LRP1B: variants seen among roughly 807,000 people sequenced by gnomAD.
LRP1B encodes LDL receptor related protein 1B.
In LRP1B, 217 loss-of-function variants were observed where a neutral mutation model predicts 556.6. That is an observed-to-expected ratio of 0.39 (90% CI 0.35 to 0.44). The LOEUF (loss-of-function observed/expected upper bound fraction) is 0.44, where lower values mean the gene tolerates loss of function less well. Among genes scored for constraint, LRP1B ranks in the 20% least tolerant of loss-of-function variants. The pLI, the probability that LRP1B is intolerant of heterozygous loss-of-function variation, is 1.00. For missense variants in LRP1B, 5,053 were observed against 5,620.8 expected, an observed-to-expected ratio of 0.90 and a Z score of 3.23; for synonymous variants, 2,047 against 1,865.8, an observed-to-expected ratio of 1.10 and a Z score of -2.50.
intron 2 of LRP1B, among the ~76,000 whole-genome samples, chr2:141,726,085 C>T (rs1693019542): frequency 6.6e-6 from 1 of 150,918 alleles, no homozygotes; most frequent in Non-Finnish European, 1.5e-5. Context: ...TTAGAAAATA[C>T]AAATTATTTA....
chr2:141,663,001 T>G (rs1690283735), intron 2 of LRP1B, among the ~76,000 whole-genome samples: 1 of 151,584 alleles, frequency 6.6e-6, no homozygotes, highest in African/African-American at 2.4e-5. Flanking sequence ...TAGACCACAG[T>G]GCAATCAAAT....
rs73963072 is a variant in LRP1B at position 141,400,826 on chromosome 2, C to T, written c.343+79570G>A. Among the ~76,000 whole-genome samples the T allele has an allele frequency of 8.0e-3, 1,223 of 152,276 alleles. 13 individuals are homozygous for T. The highest frequency in any genetic ancestry group is 0.028 in the African/African-American group (1,180 of 41,550). On this transcript the variant is annotated intron_variant, in intron 3 of 90. Transcript: ENST00000389484. ...CAAATTATTGCAATGGCTTCCTTTG[C>T]CTCTATGGTATCAAACCAAATTCTA...
chr2:142,109,982 A>G (rs765639862), intron 1 of LRP1B, among the ~76,000 whole-genome samples: 8 of 152,266 alleles, frequency 5.3e-5, no homozygotes, highest in Middle Eastern at 3.4e-3. Context: ...CAAAAGCTGT[A>G]TAGAATGATA....
intron 2 of LRP1B, among the ~76,000 whole-genome samples, chr2:141,790,766 G>T (rs1173035134): frequency 1.3e-5 from 2 of 151,692 alleles, no homozygotes; most frequent in East Asian, 1.9e-4. Context: ...AAATTTTAAG[G>T]CTACTAATGT....
intron 2 of LRP1B, among the ~76,000 whole-genome samples, chr2:141,571,423 C>G (rs1413272277): frequency 7.2e-6 from 1 of 139,524 alleles, no homozygotes; most frequent in Non-Finnish European, 1.7e-5. Flanking sequence ...ATCCAAGGGT[C>G]AGCATGGCCT....
chr2:141,414,795 T>C (rs1362064187), intron 3 of LRP1B, among the ~76,000 whole-genome samples: 3 of 152,244 alleles, frequency 2.0e-5, no homozygotes, highest in African/African-American at 4.8e-5. Context: ...CTTGTCGTTG[T>C]TGTAGTTTAT....
intron 1 of LRP1B, among the ~76,000 whole-genome samples, chr2:141,974,295 A>T (rs949355903): frequency 1.3e-5 from 2 of 151,980 alleles, no homozygotes; most frequent in Non-Finnish European, 2.9e-5. Context: ...GAATTCCATG[A>T]CTGGCTGTAG....
At chr2:140,616,675 G>T (rs575052930) in intron 41 of LRP1B, among the ~76,000 whole-genome samples, 16 of 151,804 alleles carry the variant, frequency 1.1e-4, no homozygotes, top group South Asian at 8.3e-4. Context: ...ATTTATGAAT[G>T]ATTCAGGTAT....
chr2:140,966,060 G>GTA (rs1696211317), intron 18 of LRP1B, among the ~76,000 whole-genome samples: 1 of 152,124 alleles, frequency 6.6e-6, no homozygotes, highest in Non-Finnish European at 1.5e-5. Context: ...AATCCATTGG[G>GTA]TATATACCCA....
At chr2:140,982,640 T>C (rs187906106) in intron 17 of LRP1B, among the ~76,000 whole-genome samples, 2 of 152,320 alleles carry the variant, frequency 1.3e-5, no homozygotes, top group Non-Finnish European at 2.9e-5. Context: ...AAAAGAATTG[T>C]GGATAGCATT....
chr2:141,379,441 C>A (rs532514953), intron 3 of LRP1B, among the ~76,000 whole-genome samples: 17 of 152,132 alleles, frequency 1.1e-4, no homozygotes, highest in Non-Finnish European at 2.2e-4. Flanking sequence ...CCCATGAATG[C>A]ACCAAATACA....
intron 66 of LRP1B, among the ~76,000 whole-genome samples, chr2:140,417,980 T>C (rs1685272066): frequency 6.6e-6 from 1 of 152,186 alleles, no homozygotes; most frequent in Non-Finnish European, 1.5e-5. Flanking sequence ...GCCAGAGTTT[T>C]TGAGTTATGA....
At chr2:140,461,357 A>G (rs938490660) in intron 60 of LRP1B, among the ~76,000 whole-genome samples, 1 of 152,064 alleles carries the variant, frequency 6.6e-6, no homozygotes, top group Non-Finnish European at 1.5e-5. Context: ...TTATGGGAGG[A>G]TACAGCATTA....
At chr2:141,731,834 T>C (rs1158556320) in intron 2 of LRP1B, among the ~76,000 whole-genome samples, 3 of 152,168 alleles carry the variant, frequency 2.0e-5, no homozygotes, top group Non-Finnish European at 4.4e-5. Flanking sequence ...AGATCTTAAG[T>C]TGGTGTCTGC....
chr2:141,348,220 T>C (rs777181329), intron 3 of LRP1B, among the ~76,000 whole-genome samples: 12 of 152,116 alleles, frequency 7.9e-5, no homozygotes, highest in Admixed American at 3.3e-4. Flanking sequence ...AATATGTACC[T>C]GTAAGATTTG....
intron 2 of LRP1B, among the ~76,000 whole-genome samples, chr2:141,482,127 T>G (rs984471268): frequency 1.3e-5 from 2 of 152,110 alleles, no homozygotes; most frequent in Middle Eastern, 6.8e-3. Context: ...GTGATAAAAT[T>G]AGAAAACAAA....
chr2:141,420,510 G>C (rs1452848161), intron 3 of LRP1B, among the ~76,000 whole-genome samples: 1 of 151,888 alleles, frequency 6.6e-6, no homozygotes, highest in African/African-American at 2.4e-5. Flanking sequence ...AAGCTCGTAA[G>C]TTTTTGCTCT....
intron 2 of LRP1B, among the ~76,000 whole-genome samples, chr2:141,505,099 CTCTA>C (rs962445374): frequency 4.2e-4 from 62 of 148,900 alleles, no homozygotes; most frequent in African/African-American, 1.5e-3. Flanking sequence ...TCCTCTCTCT[CTCTA>C]TCTCTCTCTC....
intron 41 of LRP1B, among the ~76,000 whole-genome samples, chr2:140,627,435 A>G (rs515937): frequency 0.46 from 69,503 of 151,528 alleles, 16,706 homozygotes; most frequent in African/African-American, 0.61. Context: ...GCCCTCGAAC[A>G]TCGGTCTCCA....
Sources: gnomAD v4.1 joint callset for allele counts (sites outside exome capture counted in the v4.1 genomes callset) on GRCh38, gnomAD v4.1.1 for gene constraint, MANE v1.5 for transcripts, NCBI Gene and HGNC (gene_info 2026-07-23, HGNC 2026-07-21) for gene names.